Variants in SDC2 observed in about 807,000 individuals in gnomAD.
SDC2 encodes syndecan 2, also known as syndecan-2.
Under a neutral mutation model 22.2 loss-of-function variants are expected in SDC2, and 13 were observed. That is an observed-to-expected ratio of 0.59 (90% confidence interval 0.38 to 0.93). The LOEUF (loss-of-function observed/expected upper bound fraction) is 0.93. Among genes scored for constraint, SDC2 ranks in the 40% least tolerant of loss-of-function variants. The pLI is 0.00. For missense variants in SDC2, 235 were observed against 246.8 expected (o/e 0.95, Z 0.32); for synonymous variants, 94 against 92.8 (o/e 1.01, Z -0.07).
intron 1 of SDC2, among the ~76,000 whole-genome samples, chr8:96,518,090 C>A (rs1480322129): frequency 6.6e-6 from 1 of 152,058 alleles, no homozygotes; most frequent in Non-Finnish European, 1.5e-5. Context: ...TAGTCCTTGG[C>A]CTAGCCCTGA....
chr8:96,582,495 A>T (rs1814605489), intron 1 of SDC2, among the ~76,000 whole-genome samples: 1 of 152,156 alleles, frequency 6.6e-6, no homozygotes. Flanking sequence ...TTAGATTTTT[A>T]AATTTTTAAG....
chr8:96,537,180 C>T (rs553020124), intron 1 of SDC2: 1 of 152,222 alleles, frequency 6.6e-6, no homozygotes, highest in Non-Finnish European at 1.5e-5. Flanking sequence ...TTTTAGGGGG[C>T]TGAAAAGATT....
chr8:96,553,534 A>G (rs1814060226), intron 1 of SDC2, among the ~76,000 whole-genome samples: 1 of 151,952 alleles, frequency 6.6e-6, no homozygotes, highest in Non-Finnish European at 1.5e-5. Flanking sequence ...GGTAATGGGA[A>G]GTTGTAGAGA....
intron 4 of SDC2, among the ~76,000 whole-genome samples, chr8:96,608,689 GA>G (rs1421711412): frequency 1.3e-5 from 2 of 152,226 alleles, no homozygotes; most frequent in Admixed American, 1.3e-4. Flanking sequence ...TCGGGCAGGG[GA>G]TAGGAGGTAG....
At chr8:96,517,478 C>A (rs1333562800) in intron 1 of SDC2, among the ~76,000 whole-genome samples, 4 of 152,106 alleles carry the variant, frequency 2.6e-5, no homozygotes, top group African/African-American at 9.7e-5. Context: ...ACATTTAGAT[C>A]TAAAATCTAT....
chr8:96,591,568 C>A (rs578093826), intron 1 of SDC2, among the ~76,000 whole-genome samples: 2 of 152,204 alleles, frequency 1.3e-5, no homozygotes, highest in East Asian at 3.9e-4. Context: ...AAGAAAAATG[C>A]ACATGAAACA....
Position 96,595,438 on chromosome 8 carries a change from A to C in SDC2, c.172+1847A>C, listed in dbSNP as rs1170081289. On this transcript the variant is annotated intron_variant, in intron 2 of 4. Transcript: ENST00000302190. ...GGAGAGTGATATATATCACACACAC[A>C]AAATGGGTGTGAAAAGAGTTGTTCT... Among the ~76,000 whole-genome samples the C allele has an allele frequency of 2.6e-5, 4 of 152,350 alleles. No individual in the cohort carries two copies. The South Asian group carries it at 6.2e-4, about 24-fold the overall frequency.
intron 1 of SDC2, among the ~76,000 whole-genome samples, chr8:96,530,175 G>A (rs1051000328): frequency 1.2e-4 from 19 of 152,136 alleles, no homozygotes; most frequent in African/African-American, 4.3e-4. Context: ...TTCTCTGATT[G>A]TGATTGTTTT....
At chr8:96,499,305 AC>A (rs1386937921) in intron 1 of SDC2, among the ~76,000 whole-genome samples, 3 of 152,244 alleles carry the variant, frequency 2.0e-5, no homozygotes, top group African/African-American at 7.2e-5. Flanking sequence ...ATGTGAAAAT[AC>A]AGATTTCAGG....
At chr8:96,568,460 C>A (rs1328140190) in intron 1 of SDC2, among the ~76,000 whole-genome samples, 1 of 152,220 alleles carries the variant, frequency 6.6e-6, no homozygotes, top group Admixed American at 6.5e-5. Context: ...CCCCAAAGCT[C>A]TGTCTGTATT....
chr8:96,540,805 T>C (rs114647136), intron 1 of SDC2, among the ~76,000 whole-genome samples: 4,519 of 152,282 alleles, frequency 0.03, 205 homozygotes, highest in African/African-American at 0.1. Context: ...AGTATTAAAA[T>C]ATAAGCTGAT....
intron 1 of SDC2, among the ~76,000 whole-genome samples, chr8:96,518,150 T>A (rs1160797509): frequency 6.6e-6 from 1 of 152,116 alleles, no homozygotes; most frequent in Admixed American, 6.6e-5. Flanking sequence ...GCCCCTGTCC[T>A]CACCCTTAAG....
At chr8:96,539,033 G>A (rs1219168600) in intron 1 of SDC2, among the ~76,000 whole-genome samples, 1 of 152,206 alleles carries the variant, frequency 6.6e-6, no homozygotes, top group Non-Finnish European at 1.5e-5. Context: ...TATGTGTTGG[G>A]AAATGATTTG....
chr8:96,586,328 C>G (rs1814686051), intron 1 of SDC2: 1 of 152,022 alleles, frequency 6.6e-6, no homozygotes, highest in East Asian at 1.9e-4. Flanking sequence ...TGGATTCAGC[C>G]CCTTAGAAAA....
At chr8:96,522,367 C>A (rs1393588621) in intron 1 of SDC2, among the ~76,000 whole-genome samples, 6 of 150,410 alleles carry the variant, frequency 4.0e-5, no homozygotes, top group Admixed American at 2.6e-4. Flanking sequence ...CAAGTGGTTA[C>A]CTATTTTTTT....
chr8:96,517,513 G>A (rs1813419956), intron 1 of SDC2, among the ~76,000 whole-genome samples: 1 of 152,058 alleles, frequency 6.6e-6, no homozygotes, highest in Non-Finnish European at 1.5e-5. Context: ...TGCATATGTT[G>A]TGGGGTTGGG....
chr8:96,498,025 C>T (rs575478925), intron 1 of SDC2, among the ~76,000 whole-genome samples: 3 of 152,192 alleles, frequency 2.0e-5, no homozygotes, highest in Non-Finnish European at 2.9e-5. Context: ...CCAATCTACT[C>T]TTATTTAACT....
chr8:96,564,403 G>C (rs994864249), intron 1 of SDC2, among the ~76,000 whole-genome samples: 1 of 152,152 alleles, frequency 6.6e-6, no homozygotes, highest in African/African-American at 2.4e-5. Flanking sequence ...AGGGCATCTG[G>C]AACTTTTTAG....
chr8:96,499,058 A>T (rs1813119681), intron 1 of SDC2, among the ~76,000 whole-genome samples: 1 of 152,000 alleles, frequency 6.6e-6, no homozygotes, highest in Non-Finnish European at 1.5e-5. Context: ...CGGCCCCATA[A>T]TAGCCTTCCT....
Sources: gnomAD v4.1 joint callset for allele counts (sites outside exome capture counted in the v4.1 genomes callset) on GRCh38, gnomAD v4.1.1 for gene constraint, MANE v1.5 for transcripts, NCBI Gene and HGNC (gene_info 2026-07-23, HGNC 2026-07-21) for gene names.